The following DCAF8L2 variants were observed in gnomAD, a reference collection of about 807,000 sequenced individuals.
DCAF8L2 encodes DDB1- and CUL4-associated factor 8-like protein 2.
For missense variants in DCAF8L2, 430 were observed against 490.7 expected (o/e 0.88, Z 1.17); for synonymous variants, 200 against 190.9 (o/e 1.05, Z -0.39).
At chrX:27,724,203 T>C (rs1339039608) in intron 4 of DCAF8L2, among the ~76,000 whole-genome samples, 2 of 110,849 alleles carry the variant, frequency 1.8e-5, no homozygotes, top group Non-Finnish European at 3.8e-5. Flanking sequence ...TAAAAAATAA[T>C]CATAGGAATA....
chrX:27,715,496 T>C (rs1196177335), intron 3 of DCAF8L2, among the ~76,000 whole-genome samples: 1 of 111,664 alleles, frequency 9.0e-6, no homozygotes, highest in Non-Finnish European at 1.9e-5. Flanking sequence ...GATCCAGGCT[T>C]ACAAGTTGGA....
chrX:27,513,326 G>C, the DCAF8L2 span, among the ~76,000 whole-genome samples: 1 of 111,752 alleles, frequency 8.9e-6, no homozygotes, highest in Non-Finnish European at 1.9e-5. Flanking sequence ...ATGGGAGAAA[G>C]TATTTGTAAA....
chrX:27,655,041 G>A (rs1490144857), intron 2 of DCAF8L2, among the ~76,000 whole-genome samples: 1 of 110,856 alleles, frequency 9.0e-6, no homozygotes, highest in East Asian at 2.8e-4. Context: ...GGAAGCTCTA[G>A]AGTTCATCTA....
intron 2 of DCAF8L2, among the ~76,000 whole-genome samples, chrX:27,665,938 T>C (rs1929725033): frequency 8.9e-6 from 1 of 112,106 alleles, no homozygotes; most frequent in South Asian, 3.7e-4. Context: ...AAAATCTATG[T>C]GACTTGCTTT....
At chrX:27,622,433 A>T (rs1327725342) in intron 1 of DCAF8L2, among the ~76,000 whole-genome samples, 1 of 111,106 alleles carries the variant, frequency 9.0e-6, no homozygotes, top group Non-Finnish European at 1.9e-5. Context: ...TACAAAAAAA[A>T]AGATAAAAAA....
intron 1 of DCAF8L2, among the ~76,000 whole-genome samples, chrX:27,615,915 T>A (rs954734021): frequency 1.8e-5 from 2 of 111,174 alleles, no homozygotes; most frequent in Non-Finnish European, 3.8e-5. Context: ...TGTATGGCAG[T>A]GTTTTTTAAT....
intron 3 of DCAF8L2, among the ~76,000 whole-genome samples, chrX:27,696,268 GA>G (rs1930897966): frequency 1.3e-5 from 1 of 74,849 alleles, no homozygotes; most frequent in African/African-American, 5.1e-5. Context: ...AAGAGAGAGA[GA>G]GAAAGAAAGA....
the DCAF8L2 span, among the ~76,000 whole-genome samples, chrX:27,514,709 CAG>C: frequency 4.4e-4 from 23 of 52,806 alleles, no homozygotes. Context: ...AAAAAAAAAA[CAG>C]AGTGAAATCC....
At chrX:27,683,991 C>T (rs1260965779) in intron 3 of DCAF8L2, among the ~76,000 whole-genome samples, 1 of 112,582 alleles carries the variant, frequency 8.9e-6, no homozygotes, top group Non-Finnish European at 1.9e-5. Context: ...ACTGTCATGT[C>T]AAAATACCGC....
At chrX:27,566,343 G>A in the DCAF8L2 span, among the ~76,000 whole-genome samples, 8 of 111,360 alleles carry the variant, frequency 7.2e-5, no homozygotes, top group Non-Finnish European at 7.5e-5. Context: ...CTGCCTAACT[G>A]TTTCCTTACT....
the DCAF8L2 span, among the ~76,000 whole-genome samples, chrX:27,565,016 A>C: frequency 1.2e-4 from 13 of 109,445 alleles, no homozygotes; most frequent in Non-Finnish European, 2.3e-4. Context: ...TTTTAACAAT[A>C]CAATTAATGT....
chrX:27,658,427 A>G (rs767735451), intron 2 of DCAF8L2, among the ~76,000 whole-genome samples: 26 of 112,111 alleles, frequency 2.3e-4, no homozygotes, highest in Middle Eastern at 9.3e-3. Context: ...GAAATACTAA[A>G]ATTTCAAAAT....
intron 3 of DCAF8L2, among the ~76,000 whole-genome samples, chrX:27,690,941 T>G (rs953571): frequency 3.2e-3 from 357 of 111,968 alleles, no homozygotes; most frequent in African/African-American, 0.011. Flanking sequence ...TAAAGGCTCA[T>G]GTCTATTAAT....
intron 3 of DCAF8L2, among the ~76,000 whole-genome samples, chrX:27,695,164 T>G (rs1262409914): frequency 1.8e-5 from 2 of 111,658 alleles, no homozygotes; most frequent in Non-Finnish European, 3.8e-5. Context: ...GGCCTCAGTT[T>G]CCACTTATGA....
intron 3 of DCAF8L2, among the ~76,000 whole-genome samples, chrX:27,700,946 G>C (rs1474847859): frequency 9.0e-6 from 1 of 111,238 alleles, no homozygotes; most frequent in African/African-American, 3.3e-5. Context: ...TTCCTTGTAA[G>C]TTAAAGTCCT....
intron 4 of DCAF8L2, among the ~76,000 whole-genome samples, chrX:27,743,557 G>A (rs931558760): frequency 9.3e-6 from 1 of 107,477 alleles, no homozygotes; most frequent in Non-Finnish European, 1.9e-5. Flanking sequence ...CACCACGACC[G>A]GCTAATTTTT....
rs1469344477 is a variant in DCAF8L2 at position 27,748,539 on chromosome X, T to A, written c.1644T>A (p.Thr548=). The A allele has an allele frequency of 8.3e-7, 1 of 1,211,495 alleles. No individual in the cohort carries two copies. Among genetic ancestry groups the A allele is most frequent in the Admixed American group, 2.2e-5 (1 of 46,040 alleles). Residue 548 remains threonine (T), a synonymous_variant, in exon 5 of 5, where the codon ACT becomes ACA. Transcript: ENST00000451261. ...KIWTPTAKAA[T]ELTGLKKVIK... ...GGACACCCACAGCTAAAGCTGCCAC[T>A]GAGCTTACTGGGTTAAAGAAGGTGA...
intron 1 of DCAF8L2, among the ~76,000 whole-genome samples, chrX:27,605,648 G>T (rs1406008456): frequency 9.0e-6 from 1 of 111,561 alleles, no homozygotes; most frequent in African/African-American, 3.3e-5. Flanking sequence ...TTTGCCACAG[G>T]CATTAGAAAA....
At chrX:27,704,250 G>A (rs1434671690) in intron 3 of DCAF8L2, among the ~76,000 whole-genome samples, 2 of 81,812 alleles carry the variant, frequency 2.4e-5, no homozygotes, top group African/African-American at 5.6e-5. Context: ...GCGCACATAC[G>A]TATGTACGTA....
Sources: allele counts gnomAD v4.1 joint callset (sites outside exome capture counted in the v4.1 genomes callset), GRCh38; gene constraint gnomAD v4.1.1; transcripts MANE v1.5; gene names NCBI Gene and HGNC (gene_info 2026-07-23, HGNC 2026-07-21).